NREP: variants seen among roughly 807,000 people sequenced by gnomAD.
NREP encodes the protein neuronal regeneration related protein.
In NREP, 5 loss-of-function variants were observed where a neutral mutation model predicts 8.6. The observed-to-expected ratio is 0.58, with a 90% CI of 0.30 to 1.22. The LOEUF (loss-of-function observed/expected upper bound fraction) is 1.22, where lower values mean the gene tolerates loss of function less well. Ranked by LOEUF, NREP falls within the 50% of genes most tolerant of loss-of-function variation. The pLI is 0.07. For synonymous variants in NREP, 27 were observed against 28.0 expected (o/e 0.96, Z 0.11); for missense variants, 86 against 82.5 (o/e 1.04, Z -0.17).
At chr5:111,744,188 T>C (rs1749856416) in intron 2 of NREP, among the ~76,000 whole-genome samples, 1 of 152,176 alleles carries the variant, frequency 6.6e-6, no homozygotes, top group South Asian at 2.1e-4. Context: ...TTTCCATCAA[T>C]GTATCCTCTT....
rs139258677 is a variant in NREP, at chr5:111,866,451, C to T, written c.135+108823G>A. Reference sequence around the variant, plus strand: ...GCAAATTAAAATCACAATGAGATACCATCTCACACCAGTTAGAATGCCGAT... The same window carrying T: ...GCAAATTAAAATCACAATGAGATACTATCTCACACCAGTTAGAATGCCGAT... On this transcript the variant is annotated intron_variant, in intron 2 of 3. Transcript: ENST00000395634. 3.5e-3 allele frequency among the ~76,000 whole-genome samples: 527 copies of T among 152,216 alleles called. 5 individuals carry two copies. The highest frequency in any genetic ancestry group is 0.017 in the South Asian group (81 of 4,818).
intron 3 of NREP, chr5:111,734,711 T>C (rs558142445): frequency 4.7e-5 from 33 of 700,784 alleles, no homozygotes; most frequent in Non-Finnish European, 7.3e-5. Context: ...ATAGAAATTT[T>C]ATTTTCAGTG....
chr5:111,952,212 G>C (rs535340007), intron 2 of NREP, among the ~76,000 whole-genome samples: 1 of 152,188 alleles, frequency 6.6e-6, no homozygotes, highest in East Asian at 1.9e-4. Context: ...TTCAACATGG[G>C]ACACCTGGTC....
At chr5:111,738,506 A>C (rs1441099273) in intron 2 of NREP, 5 of 152,214 alleles carry the variant, frequency 3.3e-5, no homozygotes, top group African/African-American at 1.2e-4. Context: ...TGGCAGTCAG[A>C]AATAGTGCCA....
At chr5:111,945,690 T>A (rs1233509092) in intron 2 of NREP, among the ~76,000 whole-genome samples, 2 of 151,866 alleles carry the variant, frequency 1.3e-5, no homozygotes, top group Non-Finnish European at 2.9e-5. Flanking sequence ...AAGAACTGAA[T>A]CTGGCTTTAG....
intron 2 of NREP, among the ~76,000 whole-genome samples, chr5:111,892,113 A>G (rs186254001): frequency 1.4e-3 from 209 of 152,330 alleles, no homozygotes; most frequent in South Asian, 8.5e-3. Flanking sequence ...ACACACTCTC[A>G]TTCATGAAAA....
At chr5:111,971,505 G>A (rs1756818198) in intron 2 of NREP, among the ~76,000 whole-genome samples, 2 of 152,126 alleles carry the variant, frequency 1.3e-5, no homozygotes, top group South Asian at 4.1e-4. Flanking sequence ...AATTCAGTAT[G>A]GTTCTGGCAT....
At chr5:111,926,728 G>A (rs562812497) in intron 2 of NREP, among the ~76,000 whole-genome samples, 18 of 152,068 alleles carry the variant, frequency 1.2e-4, no homozygotes, top group Admixed American at 7.2e-4. Flanking sequence ...AAGAAAAGAC[G>A]TCCCTTAGTC....
chr5:111,826,071 A>G (rs998364182), intron 2 of NREP, among the ~76,000 whole-genome samples: 4 of 151,468 alleles, frequency 2.6e-5, no homozygotes, highest in African/African-American at 9.7e-5. Context: ...CTCCTGCTTC[A>G]GTCTCCCAGT....
chr5:111,835,919 T>C (rs1194463238), intron 2 of NREP, among the ~76,000 whole-genome samples: 1 of 152,020 alleles, frequency 6.6e-6, no homozygotes, highest in African/African-American at 2.4e-5. Context: ...CTTAGAAAGA[T>C]ATGCAAAAAG....
intron 2 of NREP, among the ~76,000 whole-genome samples, chr5:111,843,963 T>A (rs1175126287): frequency 6.6e-6 from 1 of 152,228 alleles, no homozygotes; most frequent in East Asian, 1.9e-4. Context: ...CAGATTTGAT[T>A]TCCTAAATGT....
At chr5:111,767,208 A>G (rs1427804123) in intron 2 of NREP, among the ~76,000 whole-genome samples, 1 of 152,192 alleles carries the variant, frequency 6.6e-6, no homozygotes, top group Admixed American at 6.5e-5. Context: ...ACTGGATTTA[A>G]GCTTTTAAAA....
At chr5:111,770,597 C>T (rs1751196231) in intron 2 of NREP, among the ~76,000 whole-genome samples, 1 of 111,984 alleles carries the variant, frequency 8.9e-6, no homozygotes, top group Non-Finnish European at 1.7e-5. Flanking sequence ...GACAGAGTCT[C>T]ACTCTGTTAC....
chr5:111,785,189 A>G (rs534039024), intron 2 of NREP, among the ~76,000 whole-genome samples: 47 of 152,318 alleles, frequency 3.1e-4, no homozygotes, highest in African/African-American at 1.1e-3. Context: ...GGACCACAAA[A>G]TATCCATCAT....
chr5:111,779,256 A>T (rs1751433826), intron 2 of NREP, among the ~76,000 whole-genome samples: 3 of 152,066 alleles, frequency 2.0e-5, no homozygotes, highest in Admixed American at 1.3e-4. Context: ...GTGCATCCAG[A>T]CCTCCTAAGG....
chr5:111,902,203 A>G (rs1198860598), intron 2 of NREP, among the ~76,000 whole-genome samples: 1 of 152,142 alleles, frequency 6.6e-6, no homozygotes, highest in Non-Finnish European at 1.5e-5. Flanking sequence ...TGGAGTAAGG[A>G]CCCTCTCTTA....
At chr5:111,796,168 T>G (rs1365782461) in intron 2 of NREP, among the ~76,000 whole-genome samples, 2 of 152,186 alleles carry the variant, frequency 1.3e-5, no homozygotes, top group Non-Finnish European at 2.9e-5. Flanking sequence ...GGCTGGTGAC[T>G]CCTTCCTCCC....
chr5:111,817,434 G>A (rs937419645), intron 2 of NREP, among the ~76,000 whole-genome samples: 2 of 152,032 alleles, frequency 1.3e-5, no homozygotes, highest in African/African-American at 4.8e-5. Context: ...TCAGATTAAA[G>A]AACATCCTTT....
At chr5:111,753,398 T>A (rs1750503658) in intron 2 of NREP, among the ~76,000 whole-genome samples, 2 of 147,756 alleles carry the variant, frequency 1.4e-5, no homozygotes, top group East Asian at 1.9e-4. Flanking sequence ...ATATATATAT[T>A]TTATAGATAT....
Sources: allele counts gnomAD v4.1 joint callset (sites outside exome capture counted in the v4.1 genomes callset), GRCh38; gene constraint gnomAD v4.1.1; transcripts MANE v1.5; gene names NCBI Gene and HGNC (gene_info 2026-07-23, HGNC 2026-07-21).